Variants in PTGIR observed in about 807,000 individuals in gnomAD.
PTGIR encodes prostaglandin I2 receptor.
In PTGIR, 16 loss-of-function variants were observed where a neutral mutation model predicts 17.6. The ratio of observed to expected loss-of-function variants is 0.91; its 90% CI spans 0.61 to 1.38. The LOEUF (loss-of-function observed/expected upper bound fraction) is 1.38. Among genes scored for constraint, PTGIR ranks in the 40% most tolerant of loss-of-function variants. PTGIR has a pLI of 0.00. For synonymous variants in PTGIR, 274 were observed against 255.4 expected, an observed-to-expected ratio of 1.07 and a Z score of -0.69; for missense variants, 532 against 548.6, an observed-to-expected ratio of 0.97 and a Z score of 0.30.
At chr19:46,617,844 C>CTTT (rs61603656), downstream of PTGIR, among the ~76,000 whole-genome samples, 20,407 of 138,250 alleles carry the variant, frequency 0.15, 1,768 homozygotes, top group African/African-American at 0.23. Flanking sequence ...TTAACAAGGG[C>CTTT]TTTTTTTTTT....
At chr19:46,616,889 G>A (rs556765359), downstream of PTGIR, among the ~76,000 whole-genome samples, 12 of 152,344 alleles carry the variant, frequency 7.9e-5, no homozygotes, top group African/African-American at 2.6e-4. Flanking sequence ...CTGCGGAGCG[G>A]GTGAGCAGAC....
chr19:46,611,177 G>T, the PTGIR span, among the ~76,000 whole-genome samples: 1 of 146,566 alleles, frequency 6.8e-6, no homozygotes, highest in Non-Finnish European at 1.5e-5. Flanking sequence ...GGACGGAAGG[G>T]CATTCCAGTT....
At chr19:46,611,225 A>G in the PTGIR span, among the ~76,000 whole-genome samples, 147 of 152,308 alleles carry the variant, frequency 9.7e-4, 1 homozygote, top group African/African-American at 3.4e-3. Flanking sequence ...GAGGCAAGAG[A>G]AGCCCAGACA....
In PTGIR at chr19:46,623,771, G is replaced by C; in HGVS notation, c.455C>G (p.Ala152Gly). ...TTGGCCCAGGCCCAGCAGGGGCAGC[G>C]CGCAGAAGAGGACGCAGAAGGCGTA... ...AIYAFCVLFC[A>G]LPLLGLGQHQ... Residue 152 changes from alanine to glycine, a missense_variant, in exon 2 of 3, where the codon GCG becomes GGG. Transcript: ENST00000291294. 14 of 1,604,640 alleles carry C rather than the reference G, an allele frequency of 8.7e-6. No homozygotes were observed. Among genetic ancestry groups the C allele is most frequent in the Non-Finnish European group, 9.3e-6 (11 of 1,177,754 alleles).
chr19:46,621,158 G>A lies in PTGIR; in HGVS notation c.*122C>T. 7.2e-7 allele frequency: 1 copy of A among 1,392,524 alleles called. No homozygotes were observed. Among genetic ancestry groups the A allele is most frequent in the Non-Finnish European group, 9.3e-7 (1 of 1,069,712 alleles). 86.3% of individuals were successfully genotyped at this position (1,392,524 alleles called of 1,614,324 possible). ...CTGCCCTGCCGCAGGAGAAACAGCA[G>A]CTGATCGGCCCCAGAGTTTGGGGGC... On this transcript the variant is annotated 3_prime_UTR_variant, in exon 3 of 3. Transcript: ENST00000291294. The surrounding 1 kb of genome is among the most constrained non-coding windows in gnomAD (Gnocchi z 4.8).
the PTGIR span, chr19:46,614,359 A>G: frequency 1.0e-6 from 1 of 984,274 alleles, no homozygotes; most frequent in East Asian, 1.1e-4. Context: ...GGCCCAGCCC[A>G]CGGCATAAAT....
chr19:46,620,773 A>C lies in PTGIR; in HGVS notation c.*507T>G, dbSNP rs1056461190. ...GGGCTCCCAAGCCTGGTGGGGGACC[A>C]GCGGCAAGGGAAGGCAGGGAGCTTT... is the stretch of plus-strand genomic sequence containing the variant. On this transcript the variant is annotated 3_prime_UTR_variant, in exon 3 of 3. Transcript: ENST00000291294. The C allele has an allele frequency of 1.0e-6, 1 of 985,956 alleles. No homozygotes were observed. The highest frequency in any genetic ancestry group is 1.7e-5 in the African/African-American group (1 of 57,252). 61.1% of individuals were successfully genotyped at this position (985,956 alleles called of 1,614,324 possible). A position where few individuals can be genotyped will look rare whatever the true frequency, so the allele number is the denominator to read the frequency against.
rs1406031307 is a variant in PTGIR at position 46,623,540 on chromosome 19, C to T, written c.686G>A (p.Arg229His). 5 of 1,559,456 alleles carry T rather than the reference C, an allele frequency of 3.2e-6. No individual in the cohort carries two copies. Among genetic ancestry groups the T allele is most frequent in the South Asian group, 2.4e-5 (2 of 84,648 alleles). ...GTGGTCCACCTCGTCCTCTCCGGTG[C>T]GCGGCCGTGGACCCAGAGAGCCCTG... ...RHQGSLGPRP[R>H]TGEDEVDHLI... The change falls in exon 2 of 3, where the codon CGC becomes CAC. Residue 229 changes from arginine to histidine, a missense_variant. By Grantham distance (29) the Arg-to-His change is conservative (BLOSUM62 0). Coordinates refer to ENST00000291294, the MANE Select transcript of PTGIR (RefSeq NM_000960.4).
At chr19:46,615,775 G>C (rs80012672), downstream of PTGIR, among the ~76,000 whole-genome samples, 27,171 of 151,018 alleles carry the variant, frequency 0.18, 2,740 homozygotes, top group Middle Eastern at 0.23. Context: ...CAAAGTGCTG[G>C]GATTACAGGA....
Position 46,621,774 on chromosome 19 carries a change from C to T in PTGIR, c.769-102G>A. ...CTTACCAGGGATGAGGTAGGGGTGA[C>T]ATGTCAGAGGGGAAGGAGATAAGAT... On this transcript the variant is annotated intron_variant, in intron 2 of 2. Coordinates refer to ENST00000291294, the MANE Select transcript of PTGIR (RefSeq NM_000960.4). The surrounding 1 kb of genome is among the most constrained non-coding windows in gnomAD (Gnocchi z 4.8). The T allele has an allele frequency of 1.4e-6, 2 of 1,480,160 alleles. No homozygotes were observed. Among genetic ancestry groups the T allele is most frequent in the Non-Finnish European group, 1.8e-6 (2 of 1,114,770 alleles). 91.7% of individuals were successfully genotyped at this position (1,480,160 alleles called of 1,614,324 possible).
Position 46,621,522 on chromosome 19 carries a change from C to G in PTGIR, c.919G>C (p.Val307Leu). Reference protein sequence around the residue: ...KAVFQRLKLWVCCLCLGPAHG... With the variant: ...KAVFQRLKLWLCCLCLGPAHG... ...GCAGGCCCGAGGCACAGGCAGCAGA[C>G]CCAGAGCTTGAGTCGCTGGAAGACA... Residue 307 changes from valine (V) to leucine (L), a missense_variant, in exon 3 of 3, where the codon GTC (valine) becomes CTC (leucine). Coordinates refer to ENST00000291294, the MANE Select transcript of PTGIR (RefSeq NM_000960.4). The surrounding 1 kb of genome is among the most constrained non-coding windows in gnomAD (Gnocchi z 4.8). The G allele has an allele frequency of 6.2e-7, 1 of 1,614,172 alleles. No individual in the cohort carries two copies.
chr19:46,615,035 AAAAATTAGCC>A, the PTGIR span, among the ~76,000 whole-genome samples: 3 of 151,954 alleles, frequency 2.0e-5, no homozygotes, highest in African/African-American at 7.2e-5. Flanking sequence ...CCCCCCCAAA[AAAAATTAGCC>A]AGGTGTGGTG....
At chr19:46,616,121 T>TGA (rs1045910693), downstream of PTGIR, among the ~76,000 whole-genome samples, 24 of 152,108 alleles carry the variant, frequency 1.6e-4, no homozygotes, top group South Asian at 3.3e-3. Flanking sequence ...CATTTTTATG[T>TGA]GATTATTCAA....
At chr19:46,617,195 G>T (rs146920661), downstream of PTGIR, among the ~76,000 whole-genome samples, 21 of 152,344 alleles carry the variant, frequency 1.4e-4, no homozygotes, top group Non-Finnish European at 2.9e-4. Flanking sequence ...AGCTGGCCAG[G>T]AGCCTCCAGG....
downstream of PTGIR, among the ~76,000 whole-genome samples, chr19:46,617,557 G>A (rs1971980025): frequency 6.6e-6 from 1 of 152,170 alleles, no homozygotes; most frequent in South Asian, 2.1e-4. Context: ...AAATGGGAAT[G>A]AGAGCAGCAC....
downstream of PTGIR, among the ~76,000 whole-genome samples, chr19:46,619,621 G>GAA (rs1972025489): frequency 7.5e-6 from 1 of 133,294 alleles, no homozygotes; most frequent in Admixed American, 7.4e-5. Context: ...AAGAAAGAAA[G>GAA]AAAGAAAGAA....
chr19:46,613,105 A>G, the PTGIR span, among the ~76,000 whole-genome samples: 8 of 121,788 alleles, frequency 6.6e-5, no homozygotes, highest in African/African-American at 1.9e-4. Flanking sequence ...GTGCAATGGC[A>G]TGATCTCGGT....
At position 46,621,821 on chromosome 19, in the gene PTGIR, T is replaced by C. The variant is rs2052731612; in HGVS notation, c.769-149A>G. On this transcript the variant is annotated intron_variant, in intron 2 of 2. Transcript: ENST00000291294. This position sits in a 1 kb window ranked among gnomAD's most constrained non-coding sequence, Gnocchi z 4.8. ...AGATAAAGACTAAGTAACAAATGTA[T>C]CTGGGGAACACAGGGAGAGAAAGCC... 1 of 1,413,526 alleles carries C rather than the reference T, an allele frequency of 7.1e-7. No homozygotes were observed. Among genetic ancestry groups the C allele is most frequent in the South Asian group, 1.6e-5 (1 of 61,740 alleles). The allele number at this position is 1,413,526 out of a possible 1,614,324, so 87.6% of individuals were successfully genotyped here.
chr19:46,618,871 T>TG (rs968443346), downstream of PTGIR, among the ~76,000 whole-genome samples: 11 of 152,224 alleles, frequency 7.2e-5, no homozygotes, highest in African/African-American at 2.6e-4. Flanking sequence ...CTGGGCAGGG[T>TG]GGGGGAAGTC....
Sources: allele counts gnomAD v4.1 joint callset (sites outside exome capture counted in the v4.1 genomes callset), GRCh38; gene constraint gnomAD v4.1.1; non-coding constraint Gnocchi (gnomAD v3.1); transcripts MANE v1.5; gene names NCBI Gene and HGNC (gene_info 2026-07-23, HGNC 2026-07-21).